STK40: variants seen among roughly 807,000 people sequenced by gnomAD.
STK40 encodes the protein serine/threonine kinase 40.
In STK40, 13 loss-of-function variants were observed where a neutral mutation model predicts 47.9. The observed-to-expected ratio is 0.27, with a 90% confidence interval of 0.18 to 0.43. STK40 has a LOEUF of 0.43. Among genes scored for constraint, STK40 ranks in the 20% least tolerant of loss-of-function variants. The probability of loss-of-function intolerance (pLI) is 1.00; values close to 1 mark genes in which losing one functional copy is unlikely to be tolerated. For synonymous variants in STK40, 225 were observed against 243.2 expected (o/e 0.93, Z 0.69); for missense variants, 460 against 595.1 (o/e 0.77, Z 2.36).
intron 2 of STK40, among the ~76,000 whole-genome samples, chr1:36,359,883 G>A (rs1646836800): frequency 6.6e-6 from 1 of 152,168 alleles, no homozygotes; most frequent in African/African-American, 2.4e-5. Context: ...CTTTCCTGCT[G>A]CTGGGCCTCT....
At chr1:36,363,454 C>T (rs1646871017) in intron 1 of STK40, among the ~76,000 whole-genome samples, 1 of 152,096 alleles carries the variant, frequency 6.6e-6, no homozygotes, top group Non-Finnish European at 1.5e-5. Flanking sequence ...CTCCTTGGTA[C>T]AAATATACAG....
intron 1 of STK40, among the ~76,000 whole-genome samples, chr1:36,371,546 G>C (rs894942972): frequency 1.4e-5 from 2 of 147,666 alleles, no homozygotes; most frequent in African/African-American, 5.0e-5. Flanking sequence ...GTGACAGAGC[G>C]AGACTCCATC....
intron 1 of STK40, among the ~76,000 whole-genome samples, chr1:36,371,332 A>G (rs983241367): frequency 6.6e-6 from 1 of 151,312 alleles, no homozygotes; most frequent in African/African-American, 2.4e-5. Context: ...AGGCGGGTGG[A>G]TCATGAGGTC....
At chr1:36,371,067 G>A (rs1358863610) in intron 1 of STK40, among the ~76,000 whole-genome samples, 2 of 151,604 alleles carry the variant, frequency 1.3e-5, no homozygotes, top group Admixed American at 1.3e-4. Context: ...AGTAGAGATA[G>A]GGTTTCACCA....
At chr1:36,345,534 C>T (rs1329539766) in intron 7 of STK40, among the ~76,000 whole-genome samples, 4 of 152,298 alleles carry the variant, frequency 2.6e-5, no homozygotes, top group South Asian at 2.1e-4. Flanking sequence ...CTCTTTCCAG[C>T]GCCCGGTGCC....
chr1:36,366,456 G>A (rs1646902714), intron 1 of STK40, among the ~76,000 whole-genome samples: 1 of 152,166 alleles, frequency 6.6e-6, no homozygotes, highest in South Asian at 2.1e-4. Flanking sequence ...GCGTCATGAA[G>A]AGGCAGGCCC....
intron 9 of STK40, 68 bp downstream of exon 9, chr1:36,343,792 T>C (rs1426185719): frequency 1.3e-6 from 2 of 1,513,382 alleles, no homozygotes; most frequent in Non-Finnish European, 1.8e-6. Flanking sequence ...CTGGCTGCTT[T>C]TCTGGGTAGG....
chr1:36,373,586 T>G (rs1646967829), intron 1 of STK40, among the ~76,000 whole-genome samples: 1 of 152,160 alleles, frequency 6.6e-6, no homozygotes, highest in Admixed American at 6.5e-5. Context: ...ATTTGCTTTG[T>G]GCTCAGGACA....
chr1:36,368,532 G>A (rs1049919621), intron 1 of STK40, among the ~76,000 whole-genome samples: 9 of 152,142 alleles, frequency 5.9e-5, no homozygotes, highest in South Asian at 4.1e-4. Flanking sequence ...GATTACAGGC[G>A]TGAGCCACCA....
intron 1 of STK40, among the ~76,000 whole-genome samples, chr1:36,367,372 TGA>T (rs1342388525): frequency 1.3e-5 from 2 of 152,166 alleles, no homozygotes; most frequent in Admixed American, 6.5e-5. Context: ...GGCCTCAGTG[TGA>T]GAGGGCCTCA....
Position 36,362,514 on chromosome 1 carries a change from C to T in STK40, c.-8-1174G>A, listed in dbSNP as rs149234402. 280 of 152,322 alleles carry T rather than the reference C, an allele frequency of 1.8e-3. 1 individual carries two copies. Among genetic ancestry groups the T allele is most frequent in the African/African-American group, 6.4e-3 (268 of 41,554 alleles). 9.4% of individuals were successfully genotyped at this position (152,322 alleles called of 1,614,324 possible). On this transcript the variant is annotated intron_variant, in intron 1 of 10. Coordinates refer to ENST00000373132, the MANE Select transcript of STK40 (RefSeq NM_001282547.2). ...TGTTGCTGAAGCATCCAACGCGAGG[C>T]AGGGAGTGGTGAGAGGTGGCCCAGG...
chr1:36,354,341 G>C, intron 6 of STK40, 23 bp downstream of exon 6: 1 of 1,613,522 alleles, frequency 6.2e-7, no homozygotes. Flanking sequence ...GTAACTGTAT[G>C]GATGTAGAGA....
At chr1:36,353,130 G>A (rs1157457561) in intron 6 of STK40, among the ~76,000 whole-genome samples, 1 of 152,220 alleles carries the variant, frequency 6.6e-6, no homozygotes, top group Non-Finnish European at 1.5e-5. Context: ...GCCACATCAT[G>A]GAATGAATCA....
chr1:36,344,913 G>A (rs1646687119), intron 7 of STK40, among the ~76,000 whole-genome samples: 2 of 152,254 alleles, frequency 1.3e-5, no homozygotes, highest in South Asian at 2.1e-4. Flanking sequence ...GACAGCATGG[G>A]AAGAAACACT....
rs747118396 is a variant in STK40 at position 36,348,686 on chromosome 1, G to GCA, written c.739+12_739+13dup. ...ATTGAGCTTAGAGGCCCAATGTCTG[G>GCA]CACACACACGTACCGCTGAGCACGT... On this transcript the variant is annotated intron_variant, in intron 7 of 10. Coordinates refer to ENST00000373132, the MANE Select transcript of STK40 (RefSeq NM_001282547.2). The GCA allele has an allele frequency of 2.5e-6, 4 of 1,589,604 alleles. No homozygotes were observed. Among genetic ancestry groups the GCA allele is most frequent in the Admixed American group, 1.7e-5 (1 of 57,250 alleles).
intron 2 of STK40, 71 bp from the exon 3 acceptor site, chr1:36,358,893 T>C: frequency 6.4e-7 from 1 of 1,562,552 alleles, no homozygotes; most frequent in South Asian, 1.1e-5. Context: ...CACCACGTGG[T>C]CTTTTACTAG....
At chr1:36,353,018 C>T (rs1414823558) in intron 6 of STK40, among the ~76,000 whole-genome samples, 1 of 152,240 alleles carries the variant, frequency 6.6e-6, no homozygotes, top group Non-Finnish European at 1.5e-5. Context: ...GCAATGCCCC[C>T]TCCCCGGAGG....
chr1:36,344,110 C>T lies in STK40; in HGVS notation c.884+10G>A. 6.4e-7 allele frequency: 1 copy of T among 1,570,784 alleles called. No homozygotes were observed. The highest frequency in any genetic ancestry group is 8.6e-7 in the Non-Finnish European group (1 of 1,156,892). On this transcript the variant is annotated intron_variant, in intron 8 of 10. Coordinates refer to ENST00000373132, the MANE Select transcript of STK40 (RefSeq NM_001282547.2). ...GCTGCCCCCCCCACCCCCCGGGAGG[C>T]AGGACTCACTCAGGAATGGTATACT... is the stretch of plus-strand genomic sequence containing the variant.
intron 4 of STK40, among the ~76,000 whole-genome samples, chr1:36,357,837 G>A (rs766763522): frequency 3.9e-5 from 6 of 152,232 alleles, no homozygotes; most frequent in African/African-American, 1.4e-4. Flanking sequence ...GGATGGTCTC[G>A]ATCTCCTGAC....
Sources: allele counts gnomAD v4.1 joint callset (sites outside exome capture counted in the v4.1 genomes callset), GRCh38; gene constraint gnomAD v4.1.1; transcripts MANE v1.5; gene names NCBI Gene and HGNC (gene_info 2026-07-23, HGNC 2026-07-21).